Variants in EYS observed in about 807,000 individuals in gnomAD.
EYS encodes the protein protein eyes shut homolog.
A neutral mutation model predicts 282.1 loss-of-function variants in EYS; 250 were observed. The ratio of observed to expected loss-of-function variants is 0.89; its 90% confidence interval spans 0.80 to 0.98. The LOEUF (loss-of-function observed/expected upper bound fraction) is 0.98. Ranked by LOEUF, EYS falls within the 50% of genes least tolerant of loss-of-function variation. EYS has a pLI of 0.00. For missense variants in EYS, 4,016 were observed against 3,709.0 expected (o/e 1.08, Z -2.15); for synonymous variants, 1,355 against 1,282.9 (o/e 1.06, Z -1.20).
chr6:63,958,606 C>G (rs1275816967), intron 35 of EYS, among the ~76,000 whole-genome samples: 1 of 152,120 alleles, frequency 6.6e-6, no homozygotes, highest in Non-Finnish European at 1.5e-5. Context: ...GCGAAAGCAG[C>G]CTTATATTGG....
intron 1 of EYS, among the ~76,000 whole-genome samples, chr6:65,654,731 GGAAAAA>G (rs1767760652): frequency 6.6e-6 from 1 of 151,246 alleles, no homozygotes; most frequent in Admixed American, 6.6e-5. Context: ...TCAATAAAAG[GGAAAAA>G]GAACTAAAAT....
intron 12 of EYS, among the ~76,000 whole-genome samples, chr6:65,065,216 G>T (rs894538833): frequency 2.0e-5 from 3 of 152,082 alleles, no homozygotes; most frequent in Non-Finnish European, 4.4e-5. Context: ...CACAGGACCT[G>T]TCTTATAAAT....
intron 35 of EYS, among the ~76,000 whole-genome samples, chr6:63,926,914 A>C (rs1764732432): frequency 6.6e-6 from 1 of 152,212 alleles, no homozygotes; most frequent in African/African-American, 2.4e-5. Context: ...TACTAAGCAG[A>C]TATAAGATTT....
intron 5 of EYS, among the ~76,000 whole-genome samples, chr6:65,442,865 T>A (rs528454367): frequency 1.5e-5 from 2 of 130,372 alleles, no homozygotes; most frequent in South Asian, 4.7e-4. Context: ...TGTACATATA[T>A]ACATACATAT....
intron 33 of EYS, among the ~76,000 whole-genome samples, chr6:64,022,749 C>T (rs1769251503): frequency 6.6e-6 from 1 of 152,150 alleles, no homozygotes. Flanking sequence ...ATAGTTTTAC[C>T]CACACCCATC....
chr6:65,584,634 C>T lies in EYS; in HGVS notation c.-333+55144G>A, dbSNP rs190217417. Among the ~76,000 whole-genome samples the T allele has an allele frequency of 4.5e-3, 686 of 151,934 alleles. 1 individual carries two copies. Among genetic ancestry groups the T allele is most frequent in the Middle Eastern group, 0.017 (5 of 294 alleles). ...ATCATTTTTCTTTGAAAATACTACG[C>T]TAAGGCTAATCTTTCACTTTTCAAT... On this transcript the variant is annotated intron_variant, in intron 2 of 42. Transcript: ENST00000503581.
At chr6:64,900,795 A>T (rs1235813155) in intron 18 of EYS, among the ~76,000 whole-genome samples, 1 of 152,170 alleles carries the variant, frequency 6.6e-6, no homozygotes, top group African/African-American at 2.4e-5. Context: ...TGTTGGTGGG[A>T]GTGTAAATTA....
chr6:65,056,939 A>G (rs1773434428), intron 13 of EYS, among the ~76,000 whole-genome samples: 2 of 152,162 alleles, frequency 1.3e-5, no homozygotes, highest in South Asian at 4.1e-4. Context: ...TGAGGCAAAC[A>G]ATCTTACATT....
At chr6:65,589,863 C>G (rs73742017) in intron 2 of EYS, among the ~76,000 whole-genome samples, 1 of 151,746 alleles carries the variant, frequency 6.6e-6, no homozygotes, top group East Asian at 1.9e-4. Context: ...GTTTTAACTT[C>G]GGCTTAATGT....
chr6:65,500,997 T>C (rs1032841532), intron 2 of EYS, among the ~76,000 whole-genome samples: 3 of 151,998 alleles, frequency 2.0e-5, no homozygotes, highest in Admixed American at 6.6e-5. Flanking sequence ...CTTTTTAACA[T>C]GCTTAAATGT....
At chr6:64,735,141 C>T (rs930579495) in intron 22 of EYS, among the ~76,000 whole-genome samples, 5 of 152,046 alleles carry the variant, frequency 3.3e-5, no homozygotes, top group Non-Finnish European at 5.9e-5. Flanking sequence ...TGTAGTGCAG[C>T]GGTGCAATCT....
At chr6:65,590,809 T>C (rs59663263) in intron 2 of EYS, among the ~76,000 whole-genome samples, 4,624 of 151,564 alleles carry the variant, frequency 0.031, 183 homozygotes, top group African/African-American at 0.094. Flanking sequence ...AGAATTTTAA[T>C]GTTTTTTTTT....
At chr6:65,096,310 A>T (rs1389557971) in intron 12 of EYS, among the ~76,000 whole-genome samples, 1 of 150,884 alleles carries the variant, frequency 6.6e-6, no homozygotes, top group Non-Finnish European at 1.5e-5. Context: ...AGACTTGTAC[A>T]CTAAAACTAA....
chr6:64,388,608 G>T, intron 29 of EYS, 82 bp downstream of exon 29: 1 of 1,299,784 alleles, frequency 7.7e-7, no homozygotes, highest in Non-Finnish European at 1.0e-6. Flanking sequence ...TATTTCTAAA[G>T]TTTTTCTTTT....
chr6:63,961,309 G>A (rs895558263), intron 35 of EYS, among the ~76,000 whole-genome samples: 1 of 152,138 alleles, frequency 6.6e-6, no homozygotes, highest in Non-Finnish European at 1.5e-5. Context: ...GCCAGTTCCT[G>A]CCTTAACTGA....
intron 12 of EYS, among the ~76,000 whole-genome samples, chr6:65,179,573 C>A (rs186934999): frequency 2.8e-4 from 43 of 151,972 alleles, no homozygotes; most frequent in Non-Finnish European, 5.0e-4. Flanking sequence ...AACAGCTTAG[C>A]AACCAAAAAA....
rs118038331 is a variant in EYS, at chr6:64,035,098, A to G, written c.6725+31240T>C. On this transcript the variant is annotated intron_variant, in intron 33 of 42. Transcript: ENST00000503581. ...CCAGGGATACTGCTGAACACGTGGCAGTACACATGACAGGCCCCACAGCAA... is the reference window on the plus strand; with the variant it reads ...CCAGGGATACTGCTGAACACGTGGCGGTACACATGACAGGCCCCACAGCAA... Among the ~76,000 whole-genome samples, 247 of 152,338 alleles carry G rather than the reference A, an allele frequency of 1.6e-3. 2 individuals carry two copies. The East Asian group carries it at 0.036, about 22-fold the overall frequency.
intron 29 of EYS, among the ~76,000 whole-genome samples, chr6:64,343,248 T>C (rs1372851357): frequency 2.0e-5 from 3 of 151,914 alleles, no homozygotes; most frequent in Non-Finnish European, 4.4e-5. Flanking sequence ...ATCAACAGAA[T>C]ATACATTTTT....
chr6:64,178,314 T>A (rs1055146338), intron 31 of EYS, among the ~76,000 whole-genome samples: 3 of 152,234 alleles, frequency 2.0e-5, no homozygotes, highest in Admixed American at 6.5e-5. Flanking sequence ...CTGGAGCTAA[T>A]CATCTTTGAA....
Sources: allele counts gnomAD v4.1 joint callset (sites outside exome capture counted in the v4.1 genomes callset), GRCh38; gene constraint gnomAD v4.1.1; transcripts MANE v1.5; gene names NCBI Gene and HGNC (gene_info 2026-07-23, HGNC 2026-07-21).